The following STON2 variants were observed in gnomAD, a reference collection of about 807,000 sequenced individuals.
The protein encoded by STON2 is stonin-2.
STON2 carries 29 observed loss-of-function variants against 65.7 expected under a neutral mutation model. The observed-to-expected ratio is 0.44, with a 90% CI of 0.33 to 0.60. STON2 has a LOEUF of 0.60. Among genes scored for constraint, STON2 ranks in the 20% least tolerant of loss-of-function variants. The pLI is 0.03. For synonymous variants in STON2, 404 were observed against 414.2 expected (o/e 0.98, Z 0.30); for missense variants, 1,054 against 1,118.1 (o/e 0.94, Z 0.82).
Position 81,396,038 on chromosome 14 carries a change from G to A in STON2, c.229C>T (p.Leu77Phe), listed in dbSNP as rs1246246893. 6.2e-7 allele frequency: 1 copy of A among 1,614,170 alleles called. No individual in the cohort carries two copies. Among genetic ancestry groups the A allele is most frequent in the East Asian group, 2.2e-5 (1 of 44,874 alleles). The change falls in exon 3 of 8, where the codon CTC (leucine) becomes TTC (phenylalanine). Residue 77 changes from leucine (L) to phenylalanine (F), a missense_variant. Transcript: ENST00000614646. ...GGTGGGGAAGCTGCTTCAGAGATGA[G>A]GCCCATCTTTTCAGAGGAGTCATCC... ...EQDDSSEKMG[L>F]ISEAASPPGS... is the part of the protein sequence containing the mutation.
chr14:81,309,116 C>T (rs1289986849), intron 5 of STON2, among the ~76,000 whole-genome samples: 1 of 151,110 alleles, frequency 6.6e-6, no homozygotes, highest in Non-Finnish European at 1.5e-5. Context: ...TATTTTGACC[C>T]ATGAGCCTCA....
chr14:81,377,501 T>TAA (rs1336781072), intron 3 of STON2, among the ~76,000 whole-genome samples: 4 of 152,334 alleles, frequency 2.6e-5, no homozygotes, highest in African/African-American at 7.2e-5. Context: ...TGTATGAACG[T>TAA]AAGTTTCCAT....
rs369887955 is a variant in STON2 at position 81,387,949 on chromosome 14, C to CTTT, written c.373+7942_373+7944dup. ...TTTTAATCATATTTTTATTTCTTTT[C>CTTT]TTTTTTTTTTTTTTTTTTGAGATGG... is the stretch of plus-strand genomic sequence containing the variant. On this transcript the variant is annotated intron_variant, in intron 3 of 7. Transcript: ENST00000614646. 1.7e-3 allele frequency among the ~76,000 whole-genome samples: 171 copies of CTTT among 102,772 alleles called. 10 individuals are homozygous for CTTT. The South Asian group carries it at 0.017, about 10-fold the overall frequency. The allele number at this position is 102,772 out of a possible 152,430, so 67.4% of individuals were successfully genotyped here.
intron 4 of STON2, chr14:81,333,046 C>T: frequency 1.5e-6 from 1 of 648,186 alleles, no homozygotes; most frequent in Non-Finnish European, 2.7e-6. Flanking sequence ...TTGTTGCTTT[C>T]TTGAGTTCTT....
intron 2 of STON2, among the ~76,000 whole-genome samples, chr14:81,414,169 T>G (rs1263479859): frequency 9.1e-6 from 1 of 109,596 alleles, no homozygotes; most frequent in Non-Finnish European, 1.7e-5. Flanking sequence ...GAGAAAGAGT[T>G]AGGATTTGGG....
intron 5 of STON2, among the ~76,000 whole-genome samples, chr14:81,297,248 C>A (rs1042407461): frequency 6.6e-6 from 1 of 152,148 alleles, no homozygotes; most frequent in Non-Finnish European, 1.5e-5. Flanking sequence ...AAAATGATCT[C>A]ATTTGATCTA....
intron 5 of STON2, among the ~76,000 whole-genome samples, chr14:81,289,460 G>A (rs937813479): frequency 2.6e-5 from 4 of 152,168 alleles, no homozygotes; most frequent in African/African-American, 9.7e-5. Flanking sequence ...CCTTCTGAAA[G>A]GTCGGAAGGT....
At position 81,265,609 on chromosome 14, in the gene STON2, C is replaced by T. The variant is rs1894324662; in HGVS notation, c.*2805G>A. 7.0e-6 allele frequency: 3 copies of T among 429,856 alleles called. No homozygotes were observed. The highest frequency in any genetic ancestry group is 2.1e-5 in the African/African-American group (1 of 46,760). 26.6% of individuals were successfully genotyped at this position (429,856 alleles called of 1,614,324 possible). A position where few individuals can be genotyped will look rare whatever the true frequency, so the allele number is the denominator to read the frequency against. On this transcript the variant is annotated 3_prime_UTR_variant, in exon 8 of 8. Coordinates refer to ENST00000614646, the MANE Select transcript of STON2 (RefSeq NM_001394390.1). ...GCAATGAGCCGAGATCACGCCATTGCACTCCAGCCTGGGCGACAAGAGCGA... is the reference window on the plus strand; with the variant it reads ...GCAATGAGCCGAGATCACGCCATTGTACTCCAGCCTGGGCGACAAGAGCGA...
chr14:81,319,466 T>G (rs527989542), intron 5 of STON2, among the ~76,000 whole-genome samples: 1 of 152,310 alleles, frequency 6.6e-6, no homozygotes, highest in Admixed American at 6.5e-5. Flanking sequence ...TATGCAACTG[T>G]GGATTTTTCC....
chr14:81,389,448 A>G (rs769787672), intron 3 of STON2, among the ~76,000 whole-genome samples: 1 of 152,266 alleles, frequency 6.6e-6, no homozygotes, highest in Non-Finnish European at 1.5e-5. Flanking sequence ...GAGTGAAGCT[A>G]TAGCCCAAAA....
chr14:81,279,684 C>T (rs1243432911), intron 5 of STON2, among the ~76,000 whole-genome samples: 14 of 150,964 alleles, frequency 9.3e-5, no homozygotes, highest in Admixed American at 8.6e-4. Context: ...GAGCGAGACT[C>T]TGTCTCAAAA....
chr14:81,415,605 G>A (rs1461633201), intron 2 of STON2, among the ~76,000 whole-genome samples: 2 of 149,116 alleles, frequency 1.3e-5, no homozygotes, highest in Non-Finnish European at 3.0e-5. Flanking sequence ...AGGAGGCAGA[G>A]GTGGCAGTGA....
chr14:81,272,707 T>C (rs780582476), intron 6 of STON2, among the ~76,000 whole-genome samples: 6 of 152,186 alleles, frequency 3.9e-5, no homozygotes, highest in Non-Finnish European at 7.4e-5. Context: ...TTAAAGTAAT[T>C]GAAAATGAAT....
chr14:81,358,955 C>T (rs984277470), intron 4 of STON2, among the ~76,000 whole-genome samples: 3 of 152,114 alleles, frequency 2.0e-5, no homozygotes, highest in Admixed American at 6.5e-5. Context: ...GACTTGAATA[C>T]TCTATGTTCA....
At chr14:81,355,110 A>G (rs1056017809) in intron 4 of STON2, among the ~76,000 whole-genome samples, 1 of 152,248 alleles carries the variant, frequency 6.6e-6, no homozygotes, top group Non-Finnish European at 1.5e-5. Flanking sequence ...AAAAGAATGC[A>G]AAAGAATGAA....
intron 2 of STON2, among the ~76,000 whole-genome samples, chr14:81,410,184 A>T (rs1336462410): frequency 6.9e-6 from 1 of 144,604 alleles, no homozygotes; most frequent in Non-Finnish European, 1.5e-5. Context: ...ATCAACAATC[A>T]TTTGTTTCTC....
intron 2 of STON2, among the ~76,000 whole-genome samples, chr14:81,412,085 T>A (rs752785009): frequency 3.6e-5 from 5 of 139,902 alleles, no homozygotes; most frequent in Non-Finnish European, 6.0e-5. Context: ...GCAAGAGGCA[T>A]GAGAGGTTGT....
At chr14:81,414,475 C>T (rs1412522648) in intron 2 of STON2, among the ~76,000 whole-genome samples, 2 of 152,000 alleles carry the variant, frequency 1.3e-5, no homozygotes, top group Non-Finnish European at 2.9e-5. Context: ...TGGTAGAGTC[C>T]CAGATAGGGA....
At chr14:81,434,317 T>A (rs576155170) in intron 1 of STON2, among the ~76,000 whole-genome samples, 2 of 152,278 alleles carry the variant, frequency 1.3e-5, no homozygotes, top group Non-Finnish European at 2.9e-5. Context: ...CTCAGAAGTC[T>A]TTGCCCCGCC....
Sources: gnomAD v4.1 joint callset for allele counts (sites outside exome capture counted in the v4.1 genomes callset) on GRCh38, gnomAD v4.1.1 for gene constraint, MANE v1.5 for transcripts, NCBI Gene and HGNC (gene_info 2026-07-23, HGNC 2026-07-21) for gene names.